Variants in RABGAP1L observed in about 807,000 individuals in gnomAD.
RABGAP1L encodes RAB GTPase activating protein 1 like.
RABGAP1L carries 63 observed loss-of-function variants against 137.7 expected under a neutral mutation model. The ratio of observed to expected loss-of-function variants is 0.46; its 90% CI spans 0.37 to 0.56. The LOEUF (loss-of-function observed/expected upper bound fraction) is 0.56, where lower values mean the gene tolerates loss of function less well. Among genes scored for constraint, RABGAP1L ranks in the 20% least tolerant of loss-of-function variants. The pLI is 0.00. For synonymous variants in RABGAP1L, 431 were observed against 433.7 expected, an observed-to-expected ratio of 0.99 and a Z score of 0.08; for missense variants, 1,095 against 1,244.0, an observed-to-expected ratio of 0.88 and a Z score of 1.80.
intron 12 of RABGAP1L, among the ~76,000 whole-genome samples, chr1:174,386,512 CTTT>C (rs562687774): frequency 7.0e-6 from 1 of 142,730 alleles, no homozygotes. Context: ...TTTGTGTTTT[CTTT>C]TTTTTTTTTG....
chr1:174,340,058 T>A (rs991128145), intron 11 of RABGAP1L, among the ~76,000 whole-genome samples: 1 of 152,342 alleles, frequency 6.6e-6, no homozygotes, highest in African/African-American at 2.4e-5. Context: ...AGGTTTAGTT[T>A]TTCTTGGTGA....
chr1:174,924,170 C>A (rs1050979919), intron 19 of RABGAP1L, among the ~76,000 whole-genome samples: 3 of 151,798 alleles, frequency 2.0e-5, no homozygotes, highest in African/African-American at 7.3e-5. Flanking sequence ...GTGTGGATCA[C>A]GAGGTCGAGA....
chr1:174,627,595 A>C (rs1029725360), intron 13 of RABGAP1L, among the ~76,000 whole-genome samples: 3 of 152,214 alleles, frequency 2.0e-5, no homozygotes, highest in Non-Finnish European at 4.4e-5. Context: ...AACAAGCTAA[A>C]TTGTATTCTC....
At chr1:174,523,794 T>C (rs1359428309) in intron 13 of RABGAP1L, among the ~76,000 whole-genome samples, 1 of 152,140 alleles carries the variant, frequency 6.6e-6, no homozygotes, top group Non-Finnish European at 1.5e-5. Context: ...CCTCCCACCA[T>C]CACGCTCTTC....
intron 11 of RABGAP1L, among the ~76,000 whole-genome samples, chr1:174,316,128 G>T (rs1571180889): frequency 6.6e-6 from 1 of 152,110 alleles, no homozygotes; most frequent in Admixed American, 6.5e-5. Context: ...TGATAGATTT[G>T]TGAATTCCTT....
intron 13 of RABGAP1L, among the ~76,000 whole-genome samples, chr1:174,396,931 G>A (rs1194078195): frequency 6.8e-6 from 1 of 147,652 alleles, no homozygotes; most frequent in African/African-American, 2.5e-5. Context: ...TTGAGCCCAC[G>A]ATTTCAAGAC....
At chr1:174,608,788 T>G (rs1670971871) in intron 13 of RABGAP1L, among the ~76,000 whole-genome samples, 1 of 152,148 alleles carries the variant, frequency 6.6e-6, no homozygotes, top group African/African-American at 2.4e-5. Context: ...CTGTACAGAC[T>G]GATTGAAGGG....
At chr1:174,867,711 T>C (rs913161228) in intron 19 of RABGAP1L, among the ~76,000 whole-genome samples, 5 of 152,164 alleles carry the variant, frequency 3.3e-5, no homozygotes, top group Non-Finnish European at 7.4e-5. Flanking sequence ...AGTGACGTGA[T>C]CTCAGCTCAC....
rs1193663322 is a variant in RABGAP1L, at chr1:174,702,165, A to G, written c.2078A>G (p.His693Arg). Residue 693 changes from histidine (H) to arginine (R), a missense_variant, in exon 17 of 26, where the codon CAT becomes CGT. Transcript: ENST00000681986. ...TTTTCTGATCTGAACCTGGAAGCTCATATGTATGCATCCCAGTGGTTTCTC... is the reference window on the plus strand; with the variant it reads ...TTTTCTGATCTGAACCTGGAAGCTCGTATGTATGCATCCCAGTGGTTTCTC... ...SHFSDLNLEA[H>R]MYASQWFLTL... 2 of 1,612,366 alleles carry G rather than the reference A, an allele frequency of 1.2e-6. No individual in the cohort carries two copies. Among genetic ancestry groups the G allele is most frequent in the East Asian group, 2.2e-5 (1 of 44,768 alleles).
chr1:174,248,984 G>T (rs750399889), intron 5 of RABGAP1L, among the ~76,000 whole-genome samples: 47 of 152,052 alleles, frequency 3.1e-4, no homozygotes, highest in Non-Finnish European at 6.0e-4. Flanking sequence ...AGAATCTTTG[G>T]TGCTTCAAGC....
intron 11 of RABGAP1L, among the ~76,000 whole-genome samples, chr1:174,362,430 C>T (rs1218739070): frequency 6.6e-6 from 1 of 152,106 alleles, no homozygotes; most frequent in Non-Finnish European, 1.5e-5. Context: ...TCTCCACAAC[C>T]TTGCCAGCAT....
At chr1:174,816,794 C>T (rs1473533930) in intron 19 of RABGAP1L, among the ~76,000 whole-genome samples, 1 of 149,008 alleles carries the variant, frequency 6.7e-6, no homozygotes, top group Non-Finnish European at 1.5e-5. Context: ...TGCAATGGCG[C>T]GATCCCTGCC....
intron 19 of RABGAP1L, among the ~76,000 whole-genome samples, chr1:174,833,469 G>GATATATATATATATATATA (rs1692397531): frequency 4.2e-5 from 1 of 23,688 alleles, no homozygotes; most frequent in African/African-American, 6.0e-5. Flanking sequence ...TATATATATA[G>GATATATATATATATATATA]TAGAGACAGG....
At chr1:174,214,536 C>G (rs1443816950) in intron 1 of RABGAP1L, among the ~76,000 whole-genome samples, 1 of 152,140 alleles carries the variant, frequency 6.6e-6, no homozygotes, top group East Asian at 1.9e-4. Context: ...CAAAACTATC[C>G]TAAGCAAAAA....
intron 13 of RABGAP1L, among the ~76,000 whole-genome samples, chr1:174,554,374 A>G (rs180935655): frequency 2.0e-5 from 3 of 152,232 alleles, no homozygotes; most frequent in Non-Finnish European, 4.4e-5. Flanking sequence ...GTTTCTGGCA[A>G]TGTGTTCATA....
rs1558070440 is a variant in RABGAP1L at position 174,780,099 on chromosome 1, TA to T, written c.2211+27748del. Among the ~76,000 whole-genome samples, 827 of 150,684 alleles carry T rather than the reference TA, an allele frequency of 5.5e-3. 7 individuals are homozygous for T. Among genetic ancestry groups the T allele is most frequent in the South Asian group, 0.017 (80 of 4,766 alleles). Reference sequence around the variant, plus strand: ...ATAAATAAATAAATAAATAAATAAATAAATAAATAAATAAATAAATTAAATA... The same window carrying T: ...ATAAATAAATAAATAAATAAATAAATAATAAATAAATAAATAAATTAAATA... On this transcript the variant is annotated intron_variant, in intron 18 of 25. Transcript: ENST00000681986.
intron 7 of RABGAP1L, among the ~76,000 whole-genome samples, chr1:174,257,978 G>A (rs1157766926): frequency 1.1e-4 from 17 of 152,188 alleles, no homozygotes; most frequent in Non-Finnish European, 2.9e-5. Context: ...CTGAATCCAT[G>A]TTAAATTTCA....
chr1:174,389,835 T>G (rs920117377), intron 12 of RABGAP1L, among the ~76,000 whole-genome samples: 3 of 152,136 alleles, frequency 2.0e-5, no homozygotes, highest in Non-Finnish European at 4.4e-5. Flanking sequence ...ACCTAGCCAA[T>G]TACTGTATGA....
At chr1:174,633,316 CA>C (rs1673606496) in intron 13 of RABGAP1L, among the ~76,000 whole-genome samples, 1 of 144,722 alleles carries the variant, frequency 6.9e-6, no homozygotes, top group South Asian at 2.3e-4. Context: ...CCTAGGAATC[CA>C]ACTTACAAGG....
Sources: gnomAD v4.1 joint callset for allele counts (sites outside exome capture counted in the v4.1 genomes callset) on GRCh38, gnomAD v4.1.1 for gene constraint, MANE v1.5 for transcripts, NCBI Gene and HGNC (gene_info 2026-07-23, HGNC 2026-07-21) for gene names.